The following CACHD1 variants were observed in gnomAD, a reference collection of about 807,000 sequenced individuals.
CACHD1 encodes the protein VWFA and cache domain-containing protein 1.
A neutral mutation model predicts 138.7 loss-of-function variants in CACHD1; 71 were observed. That is an observed-to-expected ratio of 0.51 (90% CI 0.42 to 0.62). The LOEUF (loss-of-function observed/expected upper bound fraction) is 0.62. Ranked by LOEUF, CACHD1 falls within the 20% of genes least tolerant of loss-of-function variation. The pLI, the probability that CACHD1 is intolerant of heterozygous loss-of-function variation, is 0.00. For synonymous variants in CACHD1, 578 were observed against 591.5 expected (o/e 0.98, Z 0.33); for missense variants, 1,389 against 1,625.3 (o/e 0.85, Z 2.50).
chr1:64,470,586 G>T lies in CACHD1; in HGVS notation c.-159G>T, dbSNP rs1440935104. ...CCGCGCTCCCGCGCTGTAGCCGGGC[G>T]CCCCCTAAGTTTGGGAGCCTTCGCC... On this transcript the variant is annotated 5_prime_UTR_variant, in exon 1 of 27. Transcript: ENST00000651257. The surrounding 1 kb of genome is among the most constrained non-coding windows in gnomAD (Gnocchi z 5.2). Among the ~76,000 whole-genome samples the T allele has an allele frequency of 3.2e-4, 49 of 151,982 alleles. No homozygotes were observed. Among genetic ancestry groups the T allele is most frequent in the Admixed American group, 2.1e-3 (32 of 15,272 alleles).
At chr1:64,603,304 CTG>C (rs1306225369) in intron 4 of CACHD1, among the ~76,000 whole-genome samples, 1 of 151,948 alleles carries the variant, frequency 6.6e-6, no homozygotes, top group African/African-American at 2.4e-5. Flanking sequence ...CGGGTTTTCA[CTG>C]TGTTAGCCAG....
intron 20 of CACHD1, 36 bp from the exon 21 acceptor site, chr1:64,675,861 G>T: frequency 1.5e-6 from 2 of 1,340,984 alleles, no homozygotes; most frequent in South Asian, 1.4e-5. Flanking sequence ...GTTTGCCATT[G>T]ACCTTCTGCA....
intron 1 of CACHD1, among the ~76,000 whole-genome samples, chr1:64,515,482 A>C (rs777698919): frequency 2.2e-4 from 33 of 152,254 alleles, no homozygotes; most frequent in Non-Finnish European, 4.6e-4. Context: ...TTAATAATGA[A>C]AATGAATTCC....
At chr1:64,656,236 C>T (rs1359240757) in intron 12 of CACHD1, among the ~76,000 whole-genome samples, 1 of 152,120 alleles carries the variant, frequency 6.6e-6, no homozygotes, top group African/African-American at 2.4e-5. Flanking sequence ...TGTTTACAAG[C>T]CTAATTCTAC....
intron 1 of CACHD1, among the ~76,000 whole-genome samples, chr1:64,524,028 CA>C (rs36111293): frequency 0.094 from 13,698 of 145,752 alleles, 1,802 homozygotes; most frequent in African/African-American, 0.29. Flanking sequence ...AAAATCTGTA[CA>C]AAAAAAAAAG....
rs924172298 is a variant in CACHD1, at chr1:64,663,574, G to C, written c.1952-121G>C. The C allele has an allele frequency of 2.1e-5, 25 of 1,217,904 alleles. No individual in the cohort carries two copies. The African/African-American group carries it at 3.7e-4, about 18-fold the overall frequency. 75.4% of individuals were successfully genotyped at this position (1,217,904 alleles called of 1,614,324 possible). On this transcript the variant is annotated intron_variant, in intron 13 of 26. Coordinates refer to ENST00000651257, the MANE Select transcript of CACHD1 (RefSeq NM_020925.4). ...TGAAAAAAAAAAAAAAAGAAAAAAA[G>C]GAAAAAAAAAGACATTAAGCCACCA... is the stretch of plus-strand genomic sequence containing the variant.
intron 2 of CACHD1, among the ~76,000 whole-genome samples, chr1:64,560,918 A>G (rs1646833832): frequency 1.3e-5 from 2 of 152,108 alleles, no homozygotes; most frequent in Admixed American, 1.3e-4. Flanking sequence ...TTAGAACATT[A>G]TGAAATGTTA....
At chr1:64,574,921 T>C (rs2100519957) in intron 2 of CACHD1, among the ~76,000 whole-genome samples, 1 of 152,320 alleles carries the variant, frequency 6.6e-6, no homozygotes, top group African/African-American at 2.4e-5. Flanking sequence ...CCACAAGACC[T>C]TGTGCCAGAT....
At chr1:64,616,953 T>C (rs1367483983) in intron 4 of CACHD1, among the ~76,000 whole-genome samples, 1 of 151,836 alleles carries the variant, frequency 6.6e-6, no homozygotes, top group Non-Finnish European at 1.5e-5. Context: ...TACTGATAAC[T>C]TAGGATATAG....
intron 3 of CACHD1, among the ~76,000 whole-genome samples, chr1:64,592,235 A>T (rs1457308559): frequency 6.6e-6 from 1 of 152,244 alleles, no homozygotes; most frequent in African/African-American, 2.4e-5. Flanking sequence ...AATTTAAAAA[A>T]TATACATTCC....
intron 1 of CACHD1, among the ~76,000 whole-genome samples, chr1:64,519,127 T>C (rs902583613): frequency 5.3e-5 from 8 of 152,208 alleles, no homozygotes; most frequent in Non-Finnish European, 1.0e-4. Context: ...GTTTTGTTTT[T>C]AATCTCATTA....
chr1:64,595,489 A>T (rs1428513497), intron 3 of CACHD1, among the ~76,000 whole-genome samples: 1 of 152,168 alleles, frequency 6.6e-6, no homozygotes, highest in Admixed American at 6.5e-5. Context: ...CAGGATGGAC[A>T]GGGGTGCTAT....
intron 1 of CACHD1, among the ~76,000 whole-genome samples, chr1:64,538,489 C>G (rs1202306931): frequency 6.6e-6 from 1 of 152,114 alleles, no homozygotes; most frequent in African/African-American, 2.4e-5. Flanking sequence ...AATTCTAGCA[C>G]AATGGTAGAG....
chr1:64,600,306 G>A (rs1426212670), intron 3 of CACHD1, among the ~76,000 whole-genome samples: 1 of 152,200 alleles, frequency 6.6e-6, no homozygotes, highest in Non-Finnish European at 1.5e-5. Context: ...CAGGATTGGA[G>A]GGTACTTCTC....
rs545354638 is a variant in CACHD1, at chr1:64,671,624, C to T, written c.2448C>T (p.Tyr816=). The T allele has an allele frequency of 1.4e-4, 233 of 1,613,778 alleles. No individual in the cohort carries two copies. Among genetic ancestry groups the T allele is most frequent in the South Asian group, 3.5e-4 (32 of 91,080 alleles). The part of the protein sequence containing the change: ...AVMGIDFTLR[Y]FYKVLMDLLP... ...TGGGCATTGACTTCACACTCAGATA[C>T]TTCTACAAAGTTCTGATGGACCTAT... The change falls in exon 17 of 27, where the codon TAC becomes TAT. Residue 816 remains tyrosine (Y), a synonymous_variant. Transcript: ENST00000651257.
chr1:64,599,498 C>T (rs1034084652), intron 3 of CACHD1, among the ~76,000 whole-genome samples: 2 of 151,680 alleles, frequency 1.3e-5, no homozygotes, highest in African/African-American at 2.4e-5. Context: ...CAATTGGGGT[C>T]GAACAGAAGA....
chr1:64,514,785 A>G (rs1379816838), intron 1 of CACHD1, among the ~76,000 whole-genome samples: 1 of 152,198 alleles, frequency 6.6e-6, no homozygotes, highest in Non-Finnish European at 1.5e-5. Flanking sequence ...TGAAAATAAG[A>G]TATGTATTAA....
intron 9 of CACHD1, among the ~76,000 whole-genome samples, chr1:64,649,200 C>G (rs886550302): frequency 2.0e-5 from 3 of 152,026 alleles, no homozygotes; most frequent in Admixed American, 6.6e-5. Context: ...GCCATTATGT[C>G]TCAATTTTTA....
At chr1:64,493,960 G>A (rs1012826118) in intron 1 of CACHD1, among the ~76,000 whole-genome samples, 8 of 152,312 alleles carry the variant, frequency 5.3e-5, no homozygotes, top group South Asian at 2.1e-4. Context: ...TTCCTGGGGC[G>A]CTTCCCAAGT....
Sources: gnomAD v4.1 joint callset for allele counts (sites outside exome capture counted in the v4.1 genomes callset) on GRCh38, gnomAD v4.1.1 for gene constraint, Gnocchi (gnomAD v3.1) non-coding constraint, MANE v1.5 for transcripts, NCBI Gene and HGNC (gene_info 2026-07-23, HGNC 2026-07-21) for gene names.